The following FBXW11 variants were observed in gnomAD, a reference collection of about 807,000 sequenced individuals.
FBXW11 encodes the protein F-box and WD repeat domain containing 11.
FBXW11 carries 19 observed loss-of-function variants against 77.6 expected under a neutral mutation model. The observed-to-expected ratio is 0.24, with a 90% CI of 0.17 to 0.36. The LOEUF is 0.36. Ranked by LOEUF, FBXW11 falls within the 10% of genes least tolerant of loss-of-function variation. FBXW11 has a pLI of 1.00. For missense variants in FBXW11, 334 were observed against 704.2 expected (o/e 0.47, Z 5.95); for synonymous variants, 235 against 249.4 (o/e 0.94, Z 0.54).
At chr5:171,870,468 C>T (rs779728485) in intron 11 of FBXW11, among the ~76,000 whole-genome samples, 1 of 152,116 alleles carries the variant, frequency 6.6e-6, no homozygotes, top group Non-Finnish European at 1.5e-5. Context: ...CCCACATCAA[C>T]TATTGAAACC....
intron 1 of FBXW11, among the ~76,000 whole-genome samples, chr5:171,992,767 C>G (rs555617625): frequency 1.4e-4 from 21 of 152,148 alleles, no homozygotes; most frequent in African/African-American, 5.1e-4. Context: ...TCTAACCCTG[C>G]CCTCTCTAAT....
chr5:171,870,666 A>G (rs1757701445), intron 11 of FBXW11, 82 bp downstream of exon 11: 3 of 1,028,390 alleles, frequency 2.9e-6, no homozygotes, highest in Non-Finnish European at 4.5e-6. Context: ...GACCTGGTAC[A>G]TACAGAGTTG....
chr5:171,990,870 G>A (rs1765698901), intron 1 of FBXW11, among the ~76,000 whole-genome samples: 2 of 152,082 alleles, frequency 1.3e-5, no homozygotes, highest in African/African-American at 4.8e-5. Context: ...TATTGCCTGG[G>A]CTGGAGTACA....
intron 13 of FBXW11, among the ~76,000 whole-genome samples, chr5:171,864,564 A>G (rs1222490949): frequency 2.0e-5 from 3 of 152,238 alleles, no homozygotes; most frequent in African/African-American, 7.2e-5. Context: ...GCCCTCATCG[A>G]TCACAAGGAA....
chr5:171,866,266 A>C (rs1757383954), intron 13 of FBXW11, among the ~76,000 whole-genome samples: 1 of 147,060 alleles, frequency 6.8e-6, no homozygotes, highest in African/African-American at 2.7e-5. Context: ...CATTGTCTCA[A>C]AGGGAAAAAA....
Position 171,990,976 on chromosome 5 carries a change from C to A in FBXW11, c.45+15482G>T, listed in dbSNP as rs149277194. Among the ~76,000 whole-genome samples the A allele has an allele frequency of 2.2e-3, 335 of 152,224 alleles. 2 individuals are homozygous for A. Among genetic ancestry groups the A allele is most frequent in the African/African-American group, 8.0e-3 (333 of 41,530 alleles). On this transcript the variant is annotated intron_variant, in intron 1 of 13. Coordinates refer to ENST00000517395, the MANE Select transcript of FBXW11 (RefSeq NM_001378974.1). Reference sequence around the variant, plus strand: ...AAGTAGCTGGGATTACAGGCGCATGCCACCACGCTTGGCTAATTTTCGTAT... The same window carrying A: ...AAGTAGCTGGGATTACAGGCGCATGACACCACGCTTGGCTAATTTTCGTAT...
intron 1 of FBXW11, among the ~76,000 whole-genome samples, chr5:172,002,287 A>G (rs1221477330): frequency 1.3e-5 from 2 of 152,236 alleles, no homozygotes; most frequent in East Asian, 3.8e-4. Context: ...ACTTGTGTGC[A>G]GGAACATGTT....
intron 7 of FBXW11, among the ~76,000 whole-genome samples, chr5:171,880,199 T>C (rs1156366495): frequency 1.3e-5 from 2 of 152,222 alleles, no homozygotes; most frequent in African/African-American, 2.4e-5. Flanking sequence ...GAAGACACAA[T>C]CTTTTCTCTA....
rs1760077759 is a variant in FBXW11, at chr5:171,900,955, GGTAA to G, written c.437-859_437-856del. Among the ~76,000 whole-genome samples the G allele has an allele frequency of 3.9e-5, 6 of 152,222 alleles. No homozygotes were observed. The South Asian group carries it at 1.2e-3, about 32-fold the overall frequency. ...CACCTGTAAACTCCCATCCTGTGGC[GGTAA>G]GTATGTCTTCTACAGTTGCAAGAAA... On this transcript the variant is annotated intron_variant, in intron 4 of 13. Transcript: ENST00000517395.
At chr5:171,916,233 T>A (rs1218641967) in intron 2 of FBXW11, among the ~76,000 whole-genome samples, 1 of 130,920 alleles carries the variant, frequency 7.6e-6, no homozygotes, top group Non-Finnish European at 1.6e-5. Flanking sequence ...GAACTTAAAG[T>A]ATAATTTAAA....
At chr5:171,950,697 C>A (rs539318575) in intron 2 of FBXW11, among the ~76,000 whole-genome samples, 1 of 152,146 alleles carries the variant, frequency 6.6e-6, no homozygotes, top group South Asian at 2.1e-4. Context: ...AACAGCCTGG[C>A]CAACGTGGCA....
intron 2 of FBXW11, among the ~76,000 whole-genome samples, chr5:171,927,437 C>T (rs1761954313): frequency 6.6e-6 from 1 of 152,140 alleles, no homozygotes; most frequent in African/African-American, 2.4e-5. Context: ...GAATCACAAT[C>T]ACACACATAC....
intron 1 of FBXW11, 92 bp from the exon 2 acceptor site, chr5:171,957,790 G>A: frequency 1.9e-6 from 2 of 1,063,054 alleles, no homozygotes; most frequent in South Asian, 1.3e-5. Context: ...GTTAGTTGGG[G>A]CAGGGGGTGC....
chr5:171,972,730 A>C (rs887250162), intron 1 of FBXW11, among the ~76,000 whole-genome samples: 2 of 151,990 alleles, frequency 1.3e-5, no homozygotes, highest in African/African-American at 4.8e-5. Context: ...TTTTTAGTAG[A>C]GATGGGGTTT....
At chr5:171,898,642 G>A (rs2339348) in intron 6 of FBXW11, among the ~76,000 whole-genome samples, 120,526 of 152,082 alleles carry the variant, frequency 0.79, 51,351 homozygotes, top group East Asian at 0.97. Flanking sequence ...GCCTTCTCTA[G>A]TTCTCTAGAG....
At chr5:171,922,870 T>C (rs973098343) in intron 2 of FBXW11, among the ~76,000 whole-genome samples, 42 of 152,142 alleles carry the variant, frequency 2.8e-4, no homozygotes. Flanking sequence ...TGGACGAATG[T>C]TTTTCTTCTT....
At chr5:171,873,082 G>C (rs577110828) in intron 9 of FBXW11, 92 bp from the exon 10 acceptor site, 1 of 1,021,024 alleles carries the variant, frequency 9.8e-7, no homozygotes, top group African/African-American at 1.6e-5. Context: ...TTCTGATAAT[G>C]ACCCAAATAT....
chr5:171,865,243 A>G (rs1757312052), intron 13 of FBXW11, among the ~76,000 whole-genome samples: 1 of 152,038 alleles, frequency 6.6e-6, no homozygotes, highest in South Asian at 2.1e-4. Flanking sequence ...GGGCAAAATG[A>G]CCTACATACG....
chr5:171,957,807 G>T, intron 1 of FBXW11, 109 bp from the exon 2 acceptor site: 1 of 908,444 alleles, frequency 1.1e-6, no homozygotes, highest in Non-Finnish European at 1.8e-6. Context: ...GTGCACCCTT[G>T]GCAGTTTGGA....
Sources: gnomAD v4.1 joint callset for allele counts (sites outside exome capture counted in the v4.1 genomes callset) on GRCh38, gnomAD v4.1.1 for gene constraint, MANE v1.5 for transcripts, NCBI Gene and HGNC (gene_info 2026-07-23, HGNC 2026-07-21) for gene names.